FBXO7: variants seen among roughly 807,000 people sequenced by gnomAD.
FBXO7 encodes F-box only protein 7.
In FBXO7, 31 loss-of-function variants were observed where a neutral mutation model predicts 50.2. That is an observed-to-expected ratio of 0.62 (90% CI 0.46 to 0.83). The LOEUF (loss-of-function observed/expected upper bound fraction) is 0.83, where lower values mean the gene tolerates loss of function less well. FBXO7 is among the 40% of genes least tolerant of loss of function. The pLI is 0.00. For missense variants in FBXO7, 667 were observed against 646.6 expected, an observed-to-expected ratio of 1.03 and a Z score of -0.34; for synonymous variants, 256 against 253.1, an observed-to-expected ratio of 1.01 and a Z score of -0.11.
intron 8 of FBXO7, among the ~76,000 whole-genome samples, chr22:32,497,568 G>A (rs1233135534): frequency 6.6e-6 from 1 of 152,168 alleles, no homozygotes; most frequent in East Asian, 1.9e-4. Context: ...GGACAACAAA[G>A]GATTTCGAAT....
At chr22:32,492,252 G>A (rs1340152523) in intron 6 of FBXO7, 3 of 152,176 alleles carry the variant, frequency 2.0e-5, no homozygotes, top group African/African-American at 7.2e-5. Flanking sequence ...AACGTTTTTG[G>A]TGTCAAGTTG....
chr22:32,498,326 C>G lies in FBXO7; in HGVS notation c.1365C>G (p.Pro455=), dbSNP rs1352182950. The change falls in exon 9 of 9, where the codon CCC becomes CCG. Residue 455 remains proline (P), a synonymous_variant. Coordinates refer to ENST00000266087, the MANE Select transcript of FBXO7 (RefSeq NM_012179.4). ...AATATGACCAAAGACCAACACTTCC[C>G]TATGTTGGAGACCCAATCAGTTCAC... ...GGEYDQRPTL[P]YVGDPISSLI... 2 of 1,614,130 alleles carry G rather than the reference C, an allele frequency of 1.2e-6. No individual in the cohort carries two copies. Among genetic ancestry groups the G allele is most frequent in the Non-Finnish European group, 1.7e-6 (2 of 1,179,994 alleles).
intron 8 of FBXO7, among the ~76,000 whole-genome samples, chr22:32,496,729 G>T (rs2057577554): frequency 6.6e-6 from 1 of 152,180 alleles, no homozygotes; most frequent in Admixed American, 6.5e-5. Context: ...ACGTTTTCAT[G>T]TCAGCAAACA....
At chr22:32,478,825 G>A (rs2071406937) in intron 1 of FBXO7, among the ~76,000 whole-genome samples, 156 bp from the exon 2 acceptor site, 2 of 152,120 alleles carry the variant, frequency 1.3e-5, no homozygotes, top group African/African-American at 4.8e-5. Context: ...TTGAGGCCAG[G>A]AGCTTGAGAC....
chr22:32,497,205 C>T (rs1219003752), intron 8 of FBXO7, among the ~76,000 whole-genome samples: 1 of 152,084 alleles, frequency 6.6e-6, no homozygotes, highest in Non-Finnish European at 1.5e-5. Flanking sequence ...TTTTTGGTTG[C>T]ATAGATGAGT....
chr22:32,487,705 T>C (rs2057507277), intron 4 of FBXO7, 40 bp from the exon 5 acceptor site: 2 of 1,323,500 alleles, frequency 1.5e-6, no homozygotes, highest in Non-Finnish European at 2.2e-6. Context: ...GTTGATGAAG[T>C]GACAGAATTC....
At chr22:32,486,341 T>C (rs955909368) in intron 4 of FBXO7, among the ~76,000 whole-genome samples, 1 of 152,128 alleles carries the variant, frequency 6.6e-6, no homozygotes, top group African/African-American at 2.4e-5. Context: ...AGTTTCTTTT[T>C]TCTTTTTTTT....
Position 32,474,898 on chromosome 22 carries a change from T to C in FBXO7, c.-105T>C. ...CTCAGCTACCCCTCAGCTCCGGTAG[T>C]CGCCAGTCCGGGGTCGTCGCCGTTT... On this transcript the variant is annotated 5_prime_UTR_variant, in exon 1 of 9. Coordinates refer to ENST00000266087, the MANE Select transcript of FBXO7 (RefSeq NM_012179.4). 1 of 1,163,072 alleles carries C rather than the reference T, an allele frequency of 8.6e-7. No individual in the cohort carries two copies. The highest frequency in any genetic ancestry group is 1.2e-6 in the Non-Finnish European group (1 of 853,134). The allele number at this position is 1,163,072 out of a possible 1,614,324, so 72.0% of individuals were successfully genotyped here.
At position 32,479,146 on chromosome 22, in the gene FBXO7, T is replaced by G; in HGVS notation, c.288T>G (p.Ser96=). ...CTTCATCCACAGATTCAGAGCATTC[T>G]TCACTCCAGAATAATGAGCAACCCT... The part of the protein sequence containing the change: ...NIPSSTDSEH[S]SLQNNEQPSL... Residue 96 remains serine, a synonymous_variant, in exon 2 of 9, where the codon TCT becomes TCG. Transcript: ENST00000266087. 1 of 1,614,156 alleles carries G rather than the reference T, an allele frequency of 6.2e-7. No individual in the cohort carries two copies. The highest frequency in any genetic ancestry group is 1.1e-5 in the South Asian group (1 of 91,082).
rs904322263 is a variant in FBXO7, at chr22:32,475,113, C to T, written c.111C>T (p.Thr37=). The change falls in exon 1 of 9, where the codon ACC becomes ACT. Residue 37 remains threonine (T), a synonymous_variant. Transcript: ENST00000266087. ...RSHLRQSLLC[T]WGYSSNTRFT... ...ACCTGAGGCAGTCCCTGCTGTGCAC[C>T]TGGGGGTACAGGTACGCTGGGGCCG... 1 of 1,533,900 alleles carries T rather than the reference C, an allele frequency of 6.5e-7. No individual in the cohort carries two copies.
chr22:32,475,918 A>G (rs2057425357), intron 1 of FBXO7: 1 of 152,526 alleles, frequency 6.6e-6, no homozygotes, highest in Non-Finnish European at 1.5e-5. Context: ...TCCCTAAAAG[A>G]TACTTTTTGG....
intron 8 of FBXO7, among the ~76,000 whole-genome samples, chr22:32,497,171 CAAT>C (rs1405776200): frequency 2.0e-5 from 3 of 152,228 alleles, no homozygotes; most frequent in African/African-American, 7.2e-5. Context: ...AAAAAAATGT[CAAT>C]AGTTTTTGGG....
chr22:32,491,832 T>C (rs2057539411), intron 6 of FBXO7: 1 of 122,234 alleles, frequency 8.2e-6, no homozygotes, highest in South Asian at 2.7e-4. Flanking sequence ...TTATATTAGC[T>C]TCTCATTTTT....
chr22:32,484,250 T>C lies in FBXO7; in HGVS notation c.645+126T>C, dbSNP rs113757678. 2,784 of 793,232 alleles carry C rather than the reference T, an allele frequency of 3.5e-3. 62 individuals carry two copies. In the African/African-American group the frequency reaches 0.042, roughly 12 times the overall value. The allele number at this position is 793,232 out of a possible 1,614,324, so 49.1% of individuals were successfully genotyped here. A position where few individuals can be genotyped will look rare whatever the true frequency, so the allele number is the denominator to read the frequency against. ...CAAAAATATAAAGCACTGTGCTATA[T>C]TGGTGAAGTTCTGGGAGAAACATAC... is the stretch of plus-strand genomic sequence containing the variant. On this transcript the variant is annotated intron_variant, in intron 3 of 8. Coordinates refer to ENST00000266087, the MANE Select transcript of FBXO7 (RefSeq NM_012179.4).
rs2057507695 is a variant in FBXO7, at chr22:32,487,733, GTTTA to G, written c.788-7_788-4del. The G allele has an allele frequency of 1.3e-6, 2 of 1,564,306 alleles. No homozygotes were observed. The highest frequency in any genetic ancestry group is 1.8e-6 in the Non-Finnish European group (2 of 1,136,600). ...CAGAATTCTTTATCATCTTTCTTTT[GTTTA>G]TTTACAGCTACACTAAAAATCAACA... is the stretch of plus-strand genomic sequence containing the variant. On this transcript the variant is annotated splice_polypyrimidine_tract_variant and splice_region_variant and intron_variant, in intron 4 of 8. Coordinates refer to ENST00000266087, the MANE Select transcript of FBXO7 (RefSeq NM_012179.4).
chr22:32,474,990 G>C lies in FBXO7; in HGVS notation c.-13G>C, dbSNP rs779932728. ...CTTCCGGGTCCAGGCCCCTCGGGCCGCCTGCCGCCGTCATGAGGCTGCGGG... is the reference window on the plus strand; with the variant it reads ...CTTCCGGGTCCAGGCCCCTCGGGCCCCCTGCCGCCGTCATGAGGCTGCGGG... On this transcript the variant is annotated 5_prime_UTR_variant, in exon 1 of 9. Transcript: ENST00000266087. 2 of 1,531,610 alleles carry C rather than the reference G, an allele frequency of 1.3e-6. No individual in the cohort carries two copies. Among genetic ancestry groups the C allele is most frequent in the African/African-American group, 2.8e-5 (2 of 71,584 alleles). The allele number at this position is 1,531,610 out of a possible 1,614,324, so 94.9% of individuals were successfully genotyped here.
Position 32,483,999 on chromosome 22 carries a change from T to A in FBXO7, c.520T>A (p.Ser174Thr), listed in dbSNP as rs1458349518. The A allele has an allele frequency of 6.2e-7, 1 of 1,614,154 alleles. No individual in the cohort carries two copies. Among genetic ancestry groups the A allele is most frequent in the South Asian group, 1.1e-5 (1 of 91,082 alleles). The change falls in exon 3 of 9, where the codon TCG (serine) becomes ACG (threonine). Residue 174 changes from serine (S) to threonine (T), a missense_variant. By Grantham distance (58) the Ser-to-Thr change is moderately conservative. Coordinates refer to ENST00000266087, the MANE Select transcript of FBXO7 (RefSeq NM_012179.4). Reference protein sequence around the residue: ...YPSEPMLCSESVEGQVPHSLE... With the variant: ...YPSEPMLCSETVEGQVPHSLE... ...CTCAGAACCCATGCTCTGTAGTGAA[T>A]CGGTGGAAGGGCAAGTGCCACATTC...
Position 32,498,545 on chromosome 22 carries a change from C to A in FBXO7, c.*15C>A. 3 of 1,608,914 alleles carry A rather than the reference C, an allele frequency of 1.9e-6. No homozygotes were observed. Among genetic ancestry groups the A allele is most frequent in the South Asian group, 1.1e-5 (1 of 90,934 alleles). ...CATTCATGTGATTGATTTGTAATTT[C>A]ATTTCTGGAGCTCCATTTGTTTTTG... On this transcript the variant is annotated 3_prime_UTR_variant, in exon 9 of 9. Transcript: ENST00000266087.
At chr22:32,497,488 A>AGT (rs1340739350) in intron 8 of FBXO7, among the ~76,000 whole-genome samples, 1 of 152,170 alleles carries the variant, frequency 6.6e-6, no homozygotes, top group East Asian at 1.9e-4. Flanking sequence ...TTTATGGCTG[A>AGT]GTAGTATTCC....
Sources: allele counts gnomAD v4.1 joint callset (sites outside exome capture counted in the v4.1 genomes callset), GRCh38; gene constraint gnomAD v4.1.1; transcripts MANE v1.5; gene names NCBI Gene and HGNC (gene_info 2026-07-23, HGNC 2026-07-21).